Variants in ADAM2 observed in about 807,000 individuals in gnomAD.
ADAM2 encodes disintegrin and metalloproteinase domain-containing protein 2.
A neutral mutation model predicts 99.3 loss-of-function variants in ADAM2; 101 were observed. That is an observed-to-expected ratio of 1.02 (90% confidence interval 0.87 to 1.20). The LOEUF is 1.20. ADAM2 is among the 50% of genes most tolerant of loss of function. The pLI, the probability that ADAM2 is intolerant of heterozygous loss-of-function variation, is 0.00. For synonymous variants in ADAM2, 323 were observed against 287.6 expected, an observed-to-expected ratio of 1.12 and a Z score of -1.25; for missense variants, 948 against 878.7, an observed-to-expected ratio of 1.08 and a Z score of -1.00.
intron 18 of ADAM2, 132 bp downstream of exon 18, chr8:39,749,180 T>A (rs1823598225): frequency 1.3e-6 from 1 of 769,170 alleles, no homozygotes; most frequent in Non-Finnish European, 2.1e-6. Flanking sequence ...AAGTAACACA[T>A]ACACATTCAT....
At chr8:39,765,552 G>A (rs753943422) in intron 14 of ADAM2, among the ~76,000 whole-genome samples, 5 of 151,956 alleles carry the variant, frequency 3.3e-5, no homozygotes, top group African/African-American at 7.3e-5. Flanking sequence ...GTAGAAAATC[G>A]GAATACACCA....
chr8:39,752,263 T>C (rs1315639167), intron 16 of ADAM2, among the ~76,000 whole-genome samples: 1 of 152,026 alleles, frequency 6.6e-6, no homozygotes, highest in African/African-American at 2.4e-5. Flanking sequence ...TTTCAATAAA[T>C]AGTCTGGGGA....
intron 11 of ADAM2, among the ~76,000 whole-genome samples, chr8:39,776,808 T>C (rs1803007742): frequency 6.6e-6 from 1 of 152,128 alleles, no homozygotes; most frequent in African/African-American, 2.4e-5. Context: ...TTGATAAATG[T>C]AGTGTTAGAT....
At chr8:39,806,473 A>G (rs1374545056) in intron 7 of ADAM2, among the ~76,000 whole-genome samples, 1 of 148,272 alleles carries the variant, frequency 6.7e-6, no homozygotes, top group Non-Finnish European at 1.5e-5. Context: ...AAAAAAAGTT[A>G]TATATAATAT....
intron 2 of ADAM2, among the ~76,000 whole-genome samples, chr8:39,834,732 CAAA>C (rs79431764): frequency 5.7e-5 from 3 of 52,956 alleles, no homozygotes; most frequent in Non-Finnish European, 9.9e-5. Context: ...AAGACTCCAT[CAAA>C]AAAAAAAAAA....
intron 7 of ADAM2, among the ~76,000 whole-genome samples, chr8:39,803,886 G>A (rs1231673614): frequency 6.6e-6 from 1 of 152,194 alleles, no homozygotes; most frequent in South Asian, 2.1e-4. Flanking sequence ...TAATATGGGA[G>A]AATACTTATT....
rs1300205401 is a variant in ADAM2 at position 39,824,739 on chromosome 8, C to T, written c.267+80G>A. 5.1e-6 allele frequency: 4 copies of T among 781,294 alleles called. No homozygotes were observed. In the East Asian group the frequency reaches 7.4e-5, roughly 14 times the overall value. The allele number at this position is 781,294 out of a possible 1,614,324, so 48.4% of individuals were successfully genotyped here. On this transcript the variant is annotated intron_variant, in intron 4 of 20. Transcript: ENST00000265708. ...AGAAGCCATGACCCAACACTTTAGA[C>T]TCTAATAACATGTGGACACTAAATA... is the stretch of plus-strand genomic sequence containing the variant.
At chr8:39,806,557 G>T (rs1415762878) in intron 7 of ADAM2, among the ~76,000 whole-genome samples, 4 of 149,604 alleles carry the variant, frequency 2.7e-5, no homozygotes, top group African/African-American at 9.8e-5. Context: ...TGCAGGTAAT[G>T]TAAACTATGT....
chr8:39,780,142 G>A (rs1425087154), intron 10 of ADAM2, among the ~76,000 whole-genome samples: 4 of 152,226 alleles, frequency 2.6e-5, no homozygotes, highest in Admixed American at 2.0e-4. Context: ...ATCTTACATG[G>A]TGGCAGGCCA....
chr8:39,745,304 T>C (rs536120208), intron 19 of ADAM2, among the ~76,000 whole-genome samples: 1 of 152,304 alleles, frequency 6.6e-6, no homozygotes, highest in East Asian at 1.9e-4. Flanking sequence ...AAAACCACTT[T>C]AGTATATTTA....
chr8:39,793,060 A>G (rs1803788195), intron 7 of ADAM2, among the ~76,000 whole-genome samples: 1 of 152,102 alleles, frequency 6.6e-6, no homozygotes, highest in South Asian at 2.1e-4. Context: ...CACCAGGACT[A>G]AAATCATAGA....
Position 39,788,237 on chromosome 8 carries a change from A to G in ADAM2, c.657T>C (p.Phe219=). ...ATGAAGACAGAATAATTGTAATATTAAATGAAACAAAAATCTAAAATAGAA... is the reference window on the plus strand; with the variant it reads ...ATGAAGACAGAATAATTGTAATATTGAATGAAACAAAAATCTAAAATAGAA... ...IGLTNAIFVS[F]NITIILSSLE... The change falls in exon 9 of 21, where the codon TTT becomes TTC. Residue 219 remains phenylalanine (F), a synonymous_variant. Transcript: ENST00000265708. The G allele has an allele frequency of 6.6e-7, 1 of 1,514,328 alleles. No homozygotes were observed. The highest frequency in any genetic ancestry group is 8.9e-7 in the Non-Finnish European group (1 of 1,127,608). 93.8% of individuals were successfully genotyped at this position (1,514,328 alleles called of 1,614,324 possible).
chr8:39,777,413 G>T (rs1256908569), intron 10 of ADAM2, among the ~76,000 whole-genome samples: 1 of 151,982 alleles, frequency 6.6e-6, no homozygotes, highest in African/African-American at 2.4e-5. Flanking sequence ...CCAGGAATTT[G>T]TTAGCTATGT....
chr8:39,810,555 G>A (rs898771872), intron 6 of ADAM2, among the ~76,000 whole-genome samples: 17 of 152,202 alleles, frequency 1.1e-4, no homozygotes, highest in African/African-American at 3.9e-4. Context: ...CTCAGCAAAT[G>A]TAAAAGAACA....
intron 7 of ADAM2, among the ~76,000 whole-genome samples, chr8:39,802,656 T>C (rs1804268966): frequency 6.6e-6 from 1 of 152,308 alleles, no homozygotes; most frequent in East Asian, 1.9e-4. Flanking sequence ...GACAACTTGA[T>C]GTAAATCTTA....
Position 39,821,163 on chromosome 8 carries a change from G to A in ADAM2, c.352C>T (p.Leu118=). ...VSTCTGLRGV[L]QFENVSYGIE... ...CCATAACTAACATTTTCAAACTGTA[G>A]TACGCCCCTAAAAATTTCAAAAAAA... Residue 118 remains leucine (L), a synonymous_variant, in exon 6 of 21, where the codon CTA becomes TTA. Transcript: ENST00000265708. 1 of 1,568,992 alleles carries A rather than the reference G, an allele frequency of 6.4e-7. No homozygotes were observed. The highest frequency in any genetic ancestry group is 8.6e-7 in the Non-Finnish European group (1 of 1,163,712).
At chr8:39,804,373 A>G (rs1248874842) in intron 7 of ADAM2, among the ~76,000 whole-genome samples, 1 of 152,190 alleles carries the variant, frequency 6.6e-6, no homozygotes, top group Non-Finnish European at 1.5e-5. Context: ...GTGGTTTTCA[A>G]TGGAAGAACT....
chr8:39,752,537 A>G (rs150484009), intron 16 of ADAM2, among the ~76,000 whole-genome samples: 2,005 of 152,238 alleles, frequency 0.013, 19 homozygotes, highest in Non-Finnish European at 0.019. Flanking sequence ...TGCCTTAAGG[A>G]CTGGTTTCTG....
At chr8:39,785,856 G>A (rs1244683728) in intron 10 of ADAM2, among the ~76,000 whole-genome samples, 2 of 151,484 alleles carry the variant, frequency 1.3e-5, no homozygotes, top group Non-Finnish European at 2.9e-5. Flanking sequence ...AAAAGACACT[G>A]GCACTTATAT....
Sources: gnomAD v4.1 joint callset for allele counts (sites outside exome capture counted in the v4.1 genomes callset) on GRCh38, gnomAD v4.1.1 for gene constraint, MANE v1.5 for transcripts, NCBI Gene and HGNC (gene_info 2026-07-23, HGNC 2026-07-21) for gene names.